SAMM50: variants seen among roughly 807,000 people sequenced by gnomAD.
The protein encoded by SAMM50 is SAMM50 sorting and assembly machinery component, also known as sorting and assembly machinery component 50 homolog.
Under a neutral mutation model 66.9 loss-of-function variants are expected in SAMM50, and 47 were observed. The observed-to-expected ratio is 0.70, with a 90% CI of 0.56 to 0.90. The LOEUF (loss-of-function observed/expected upper bound fraction) is 0.90. Ranked by LOEUF, SAMM50 falls within the 40% of genes least tolerant of loss-of-function variation. The pLI is 0.00. For synonymous variants in SAMM50, 191 were observed against 214.1 expected (o/e 0.89, Z 0.94); for missense variants, 535 against 595.3 (o/e 0.90, Z 1.05).
At chr22:43,969,978 G>A (rs2050195247) in intron 4 of SAMM50, among the ~76,000 whole-genome samples, 1 of 152,184 alleles carries the variant, frequency 6.6e-6, no homozygotes, top group Admixed American at 6.5e-5. Context: ...GAATTGAATG[G>A]GGGGTAATTT....
chr22:43,982,972 T>A (rs531685781), intron 11 of SAMM50, among the ~76,000 whole-genome samples: 1 of 152,346 alleles, frequency 6.6e-6, no homozygotes, highest in East Asian at 1.9e-4. Flanking sequence ...GCTTGCTGTT[T>A]TTGCAATTCA....
intron 11 of SAMM50, among the ~76,000 whole-genome samples, chr22:43,982,539 C>G (rs936035324): frequency 6.6e-6 from 1 of 152,152 alleles, no homozygotes; most frequent in Non-Finnish European, 1.5e-5. Flanking sequence ...CACCCCAGAG[C>G]CTGGGATGCA....
At chr22:43,961,599 A>C (rs2050147444) in intron 1 of SAMM50, among the ~76,000 whole-genome samples, 1 of 152,012 alleles carries the variant, frequency 6.6e-6, no homozygotes, top group African/African-American at 2.4e-5. Flanking sequence ...ACAGGCACAC[A>C]CCACCACACC....
chr22:43,989,087 G>A, intron 12 of SAMM50, 24 bp from the exon 13 acceptor site: 1 of 1,600,860 alleles, frequency 6.2e-7, no homozygotes, highest in Non-Finnish European at 8.5e-7. Context: ...CCTTGTTTTT[G>A]TTCTGCACCC....
chr22:43,962,881 ATTTTTTTTTTTTT>A (rs58022542), intron 1 of SAMM50, among the ~76,000 whole-genome samples: 8 of 65,506 alleles, frequency 1.2e-4, no homozygotes, highest in African/African-American at 2.8e-4. Flanking sequence ...CTTTTGGTTA[ATTTTTTTTTTTTT>A]TTTTTTTTTT....
At chr22:43,958,502 G>A (rs1209201316) in intron 1 of SAMM50, among the ~76,000 whole-genome samples, 1 of 114,584 alleles carries the variant, frequency 8.7e-6, no homozygotes, top group African/African-American at 3.6e-5. Flanking sequence ...TTTTTGAGGC[G>A]GAGTCTTTCT....
At chr22:43,995,085 T>C (rs141402290) in intron 14 of SAMM50, among the ~76,000 whole-genome samples, 23 of 152,222 alleles carry the variant, frequency 1.5e-4, no homozygotes, top group Non-Finnish European at 2.6e-4. Context: ...AGCCCGGGTT[T>C]TGATGTGGAT....
Position 43,964,641 on chromosome 22 carries a change from G to A in SAMM50, c.234+88G>A, listed in dbSNP as rs531060352. On this transcript the variant is annotated intron_variant, in intron 3 of 14. Coordinates refer to ENST00000350028, the MANE Select transcript of SAMM50 (RefSeq NM_015380.5). ...CATGTGAAACCACAGAGCACCCTGC[G>A]CCCGGCCTCTGTGCCGGAGATCTGC... 152 of 710,136 alleles carry A rather than the reference G, an allele frequency of 2.1e-4. 1 individual carries two copies. In the Admixed American group the frequency reaches 3.1e-3, roughly 14 times the overall value. The allele number at this position is 710,136 out of a possible 1,614,324, so 44.0% of individuals were successfully genotyped here.
chr22:43,959,224 G>C (rs2050135986), intron 1 of SAMM50, among the ~76,000 whole-genome samples: 1 of 151,900 alleles, frequency 6.6e-6, no homozygotes, highest in Admixed American at 6.6e-5. Context: ...TCACCATGTT[G>C]TCCAGGCTGG....
In SAMM50 at chr22:43,989,073, C is replaced by T. The variant is rs558610676; in HGVS notation, c.1076-38C>T. 93 of 1,591,348 alleles carry T rather than the reference C, an allele frequency of 5.8e-5. No homozygotes were observed. In the South Asian group the frequency reaches 7.6e-4, roughly 13 times the overall value. On this transcript the variant is annotated intron_variant, in intron 12 of 14. Transcript: ENST00000350028. ...AAAGTTAACGTGATGTTAACCTTGT[C>T]GGACCTTGTTTTTGTTCTGCACCCC...
chr22:43,996,356 G>A lies in SAMM50; in HGVS notation c.1383G>A (p.Gln461=), dbSNP rs1247285788. Reference sequence around the variant, plus strand: ...TTTTTAGGATATGTGATGGCGTCCAGTTTGGAGCTGGGATAAGGTTCCTGT... The same window carrying A: ...TTTTTAGGATATGTGATGGCGTCCAATTTGGAGCTGGGATAAGGTTCCTGT... The part of the protein sequence containing the change: ...QTGDRICDGV[Q]FGAGIRFL The change falls in exon 15 of 15, where the codon CAG becomes CAA. Residue 461 remains glutamine (Q), a synonymous_variant. Coordinates refer to ENST00000350028, the MANE Select transcript of SAMM50 (RefSeq NM_015380.5). 8.1e-6 allele frequency: 13 copies of A among 1,614,086 alleles called. No homozygotes were observed. The highest frequency in any genetic ancestry group is 1.1e-5 in the Non-Finnish European group (13 of 1,180,034).
chr22:43,956,774 C>T (rs1414866268), intron 1 of SAMM50, among the ~76,000 whole-genome samples: 1 of 152,084 alleles, frequency 6.6e-6, no homozygotes, highest in Admixed American at 6.5e-5. Flanking sequence ...TCCTCTGTTG[C>T]GGGGAGGAGT....
rs577506632 is a variant in SAMM50, at chr22:43,976,063, A to G, written c.657A>G (p.Ile219Met). The G allele has an allele frequency of 6.2e-6, 10 of 1,610,340 alleles. No individual in the cohort carries two copies. The African/African-American group carries it at 9.3e-5, about 15-fold the overall frequency. ...RGMSAEYSFP[I>M]WKTSHTVKWE... ...TGATCTCCATGTTGCAGTTTCCCAT[A>G]TGGAAGACCAGCCACACTGTCAAGT... The change falls in exon 8 of 15, where the codon ATA becomes ATG. Residue 219 changes from isoleucine (I) to methionine (M), a missense_variant. Coordinates refer to ENST00000350028, the MANE Select transcript of SAMM50 (RefSeq NM_015380.5).
rs1455907982 is a variant in SAMM50 at position 43,967,466 on chromosome 22, T to C, written c.235-1265T>C. On this transcript the variant is annotated intron_variant, in intron 3 of 14. Coordinates refer to ENST00000350028, the MANE Select transcript of SAMM50 (RefSeq NM_015380.5). ...AGCTTCTTTCTTAGCCTCTTTCTTC[T>C]TCTCATGCACTCTACCTAGGCAGTG... Among the ~76,000 whole-genome samples the C allele has an allele frequency of 2.0e-5, 3 of 152,214 alleles. No homozygotes were observed. In the East Asian group the frequency reaches 5.8e-4, roughly 29 times the overall value.
At chr22:43,971,798 A>C (rs540277366) in intron 4 of SAMM50, among the ~76,000 whole-genome samples, 44 of 152,192 alleles carry the variant, frequency 2.9e-4, no homozygotes, top group African/African-American at 1.0e-3. Flanking sequence ...GCAGCCTCCA[A>C]CTGCTGGGCT....
intron 12 of SAMM50, among the ~76,000 whole-genome samples, chr22:43,984,935 G>A (rs772973182): frequency 1.3e-5 from 2 of 151,876 alleles, no homozygotes; most frequent in African/African-American, 4.9e-5. Flanking sequence ...TGGCCCCTAC[G>A]TATTATTTTT....
intron 1 of SAMM50, 121 bp from the exon 2 acceptor site, chr22:43,963,165 C>A: frequency 3.3e-6 from 2 of 615,076 alleles, no homozygotes; most frequent in Non-Finnish European, 5.7e-6. Flanking sequence ...CTGCCCCTAC[C>A]TCTACTTGAA....
At chr22:43,984,236 C>T (rs1319647905) in intron 12 of SAMM50, among the ~76,000 whole-genome samples, 1 of 152,178 alleles carries the variant, frequency 6.6e-6, no homozygotes, top group Non-Finnish European at 1.5e-5. Context: ...CAGTCCTACC[C>T]AGAGAGAACA....
chr22:43,976,045 C>A lies in SAMM50; in HGVS notation c.649-10C>A, dbSNP rs2050229711. On this transcript the variant is annotated splice_polypyrimidine_tract_variant and intron_variant, in intron 7 of 14. Coordinates refer to ENST00000350028, the MANE Select transcript of SAMM50 (RefSeq NM_015380.5). ...GTGGTCCGGAAAGATGTCTGATCTC[C>A]ATGTTGCAGTTTCCCATATGGAAGA... The A allele has an allele frequency of 6.2e-7, 1 of 1,605,972 alleles. No individual in the cohort carries two copies. Among genetic ancestry groups the A allele is most frequent in the Non-Finnish European group, 8.5e-7 (1 of 1,173,386 alleles).
Sources: gnomAD v4.1 joint callset for allele counts (sites outside exome capture counted in the v4.1 genomes callset) on GRCh38, gnomAD v4.1.1 for gene constraint, MANE v1.5 for transcripts, NCBI Gene and HGNC (gene_info 2026-07-23, HGNC 2026-07-21) for gene names.